Variants in OPHN1 observed in about 807,000 individuals in gnomAD.
The protein encoded by OPHN1 is oligophrenin 1, also known as oligophrenin-1.
OPHN1 carries 11 observed loss-of-function variants against 60.7 expected under a neutral mutation model. The ratio of observed to expected loss-of-function variants is 0.18; its 90% CI spans 0.11 to 0.30. The LOEUF is 0.30. OPHN1 is among the 10% of genes least tolerant of loss of function. The probability of loss-of-function intolerance (pLI) is 1.00; values close to 1 mark genes in which losing one functional copy is unlikely to be tolerated. For missense variants in OPHN1, 449 were observed against 611.0 expected, an observed-to-expected ratio of 0.73 and a Z score of 2.80; for synonymous variants, 226 against 222.6, an observed-to-expected ratio of 1.02 and a Z score of -0.14.
At chrX:68,203,088 G>A (rs1455399973) in intron 10 of OPHN1, among the ~76,000 whole-genome samples, 6 of 109,019 alleles carry the variant, frequency 5.5e-5, no homozygotes, top group Non-Finnish European at 9.5e-5. Context: ...GCAAAACCCC[G>A]TCTCTACTAA....
chrX:68,390,006 G>A (rs777129917), intron 2 of OPHN1, among the ~76,000 whole-genome samples: 14 of 111,350 alleles, frequency 1.3e-4, no homozygotes, highest in Non-Finnish European at 1.9e-4. Flanking sequence ...AAGCAAACAC[G>A]TCCTTCTTAA....
At chrX:68,098,443 G>A (rs1423822426) in intron 18 of OPHN1, among the ~76,000 whole-genome samples, 1 of 111,224 alleles carries the variant, frequency 9.0e-6, no homozygotes, top group Non-Finnish European at 1.9e-5. Flanking sequence ...CTGACTACCC[G>A]AAACACTCAC....
At chrX:68,172,140 A>C (rs1282983159) in intron 15 of OPHN1, among the ~76,000 whole-genome samples, 1 of 112,322 alleles carries the variant, frequency 8.9e-6, no homozygotes, top group Non-Finnish European at 1.9e-5. Context: ...AGAAGTAAAA[A>C]TATATGTTCA....
rs1276052043 is a variant in OPHN1 at position 68,046,225 on chromosome X, A to G, written c.*947T>C. The G allele has an allele frequency of 8.9e-6, 1 of 111,978 alleles. No homozygotes were observed. Among genetic ancestry groups the G allele is most frequent in the East Asian group, 2.8e-4 (1 of 3,567 alleles). 9.2% of individuals were successfully genotyped at this position (111,978 alleles called of 1,213,427 possible). A position where few individuals can be genotyped will look rare whatever the true frequency, so the allele number is the denominator to read the frequency against. ...CACTGGGTTAAGAACTGCTTTTTTC[A>G]GGAGATAAAAGAGTTTATGTGCAGA... On this transcript the variant is annotated 3_prime_UTR_variant, in exon 25 of 25. Coordinates refer to ENST00000355520, the MANE Select transcript of OPHN1 (RefSeq NM_002547.3).
intron 18 of OPHN1, among the ~76,000 whole-genome samples, chrX:68,110,721 C>T (rs963408081): frequency 3.6e-5 from 4 of 112,402 alleles, no homozygotes; most frequent in African/African-American, 1.3e-4. Flanking sequence ...TCTTAATGTT[C>T]TCTATTAGCT....
intron 15 of OPHN1, among the ~76,000 whole-genome samples, chrX:68,145,400 G>A (rs1602188656): frequency 8.9e-6 from 1 of 111,754 alleles, no homozygotes; most frequent in Non-Finnish European, 1.9e-5. Flanking sequence ...TCCTTAGAAT[G>A]CTTGCACGCA....
chrX:68,057,701 G>A (rs972058987), intron 21 of OPHN1, among the ~76,000 whole-genome samples: 1 of 111,596 alleles, frequency 9.0e-6, no homozygotes, highest in African/African-American at 3.3e-5. Flanking sequence ...AGCAGCAAAG[G>A]ATTTTCTTGG....
At chrX:68,219,732 T>A (rs1393592478) in intron 6 of OPHN1, among the ~76,000 whole-genome samples, 1 of 107,001 alleles carries the variant, frequency 9.3e-6, no homozygotes, top group Non-Finnish European at 1.9e-5. Context: ...TTGAAACCAA[T>A]GAGAACAAAG....
intron 6 of OPHN1, among the ~76,000 whole-genome samples, chrX:68,220,486 A>G (rs1175564420): frequency 9.3e-6 from 1 of 107,369 alleles, no homozygotes; most frequent in Non-Finnish European, 1.9e-5. Flanking sequence ...AAAAAAAGAG[A>G]ATTTTAGACC....
At chrX:68,218,431 C>A (rs777395796) in intron 6 of OPHN1, among the ~76,000 whole-genome samples, 3 of 103,378 alleles carry the variant, frequency 2.9e-5, no homozygotes, top group African/African-American at 1.0e-4. Flanking sequence ...ACAGAGAACG[C>A]CACAAAGATA....
intron 2 of OPHN1, among the ~76,000 whole-genome samples, chrX:68,311,854 A>G (rs1460577109): frequency 1.8e-5 from 2 of 111,714 alleles, no homozygotes; most frequent in African/African-American, 6.5e-5. Flanking sequence ...GAACAACAAT[A>G]TAAGCCAACT....
At chrX:68,153,565 A>G (rs1001606012) in intron 15 of OPHN1, among the ~76,000 whole-genome samples, 24 of 111,913 alleles carry the variant, frequency 2.1e-4, no homozygotes, top group Non-Finnish European at 1.1e-4. Context: ...AACCCTGAAC[A>G]TTGAGTGTCT....
At chrX:68,216,408 G>A (rs1215700517) in intron 6 of OPHN1, among the ~76,000 whole-genome samples, 2 of 110,518 alleles carry the variant, frequency 1.8e-5, no homozygotes, top group South Asian at 3.8e-4. Context: ...CCTTTTAAAC[G>A]TCAGTGATCT....
At chrX:68,380,215 A>C (rs972121324) in intron 2 of OPHN1, among the ~76,000 whole-genome samples, 1 of 111,437 alleles carries the variant, frequency 9.0e-6, no homozygotes, top group Non-Finnish European at 1.9e-5. Context: ...GTTTATTTGC[A>C]TAGAGGTGTT....
chrX:68,317,371 GAAAGA>G (rs1569278110), intron 2 of OPHN1, among the ~76,000 whole-genome samples: 44 of 72,710 alleles, frequency 6.1e-4, no homozygotes, highest in African/African-American at 2.8e-3. Flanking sequence ...AAGAAAGAAA[GAAAGA>G]AAGGAAGGAA....
intron 15 of OPHN1, among the ~76,000 whole-genome samples, chrX:68,128,963 T>G (rs1415626675): frequency 9.0e-6 from 1 of 111,713 alleles, no homozygotes; most frequent in Non-Finnish European, 1.9e-5. Context: ...AAAAGCAGAA[T>G]TGTTCAAAAA....
At chrX:68,051,052 A>AT (rs2076849741) in intron 23 of OPHN1, among the ~76,000 whole-genome samples, 1 of 111,885 alleles carries the variant, frequency 8.9e-6, no homozygotes, top group African/African-American at 3.3e-5. Flanking sequence ...TGGCTCACTG[A>AT]CAATCAGAGC....
At chrX:68,361,586 C>T (rs2078473258) in intron 2 of OPHN1, among the ~76,000 whole-genome samples, 2 of 108,788 alleles carry the variant, frequency 1.8e-5, no homozygotes, top group South Asian at 4.0e-4. Flanking sequence ...GAAAATGGAA[C>T]CCTACAAATG....
At chrX:68,243,969 A>T (rs1298429492) in intron 5 of OPHN1, among the ~76,000 whole-genome samples, 1 of 112,281 alleles carries the variant, frequency 8.9e-6, no homozygotes, top group Non-Finnish European at 1.9e-5. Flanking sequence ...AATTGATCAT[A>T]TCATTCCCCA....
Sources: gnomAD v4.1 joint callset for allele counts (sites outside exome capture counted in the v4.1 genomes callset) on GRCh38, gnomAD v4.1.1 for gene constraint, MANE v1.5 for transcripts, NCBI Gene and HGNC (gene_info 2026-07-23, HGNC 2026-07-21) for gene names.